The following CCDC47 variants were observed in gnomAD, a reference collection of about 807,000 sequenced individuals.
CCDC47 encodes PAT complex subunit CCDC47.
A neutral mutation model predicts 60.5 loss-of-function variants in CCDC47; 41 were observed. The ratio of observed to expected loss-of-function variants is 0.68; its 90% CI spans 0.53 to 0.88. The LOEUF (loss-of-function observed/expected upper bound fraction) is 0.88, where lower values mean the gene tolerates loss of function less well. Ranked by LOEUF, CCDC47 falls within the 40% of genes least tolerant of loss-of-function variation. The pLI is 0.00. For missense variants in CCDC47, 513 were observed against 580.9 expected (o/e 0.88, Z 1.20); for synonymous variants, 195 against 190.7 (o/e 1.02, Z -0.18).
chr17:63,752,899 A>AT lies in CCDC47; in HGVS notation c.1035-101_1035-100insA, dbSNP rs2039178264. On this transcript the variant is annotated intron_variant, in intron 9 of 12. Transcript: ENST00000225726. ...CTTAGATGAACAGATACCTGCACAT[A>AT]ATCAGCACAGTATTTGGCTTGGCAT... The AT allele has an allele frequency of 3.4e-6, 5 of 1,485,806 alleles. No homozygotes were observed. The African/African-American group carries it at 7.2e-5, about 21-fold the overall frequency. 92.0% of individuals were successfully genotyped at this position (1,485,806 alleles called of 1,614,324 possible).
chr17:63,772,987 CTGAG>C (rs1378499178), intron 1 of CCDC47: 3 of 152,226 alleles, frequency 2.0e-5, no homozygotes, highest in Non-Finnish European at 4.4e-5. Context: ...GGAAAGAGGA[CTGAG>C]TGAGGCCATC....
Position 63,752,005 on chromosome 17 carries a change from T to C in CCDC47, c.1306A>G (p.Lys436Glu), listed in dbSNP as rs772693263. The change falls in exon 12 of 13, where the codon AAA becomes GAA. Residue 436 changes from lysine to glutamate, a missense_variant. By Grantham distance (56) the Lys-to-Glu change is moderately conservative. Coordinates refer to ENST00000225726, the MANE Select transcript of CCDC47 (RefSeq NM_020198.3). ...ATTCGCTCCTTCTCTGCTCTTTTTT[T>C]CTCCTCCCGCCGAGACTGTGCTGCT... ...QEAAQSRREE[K>E]KRAEKERIMN... 15 of 1,613,518 alleles carry C rather than the reference T, an allele frequency of 9.3e-6. No individual in the cohort carries two copies. Among genetic ancestry groups the C allele is most frequent in the East Asian group, 2.2e-5 (1 of 44,898 alleles).
chr17:63,756,190 G>C (rs1008572316), intron 8 of CCDC47, 50 bp downstream of exon 8: 3 of 1,208,970 alleles, frequency 2.5e-6, no homozygotes, highest in Non-Finnish European at 3.7e-6. Flanking sequence ...TAGGGAGAGT[G>C]TCCTGTAAAT....
intron 1 of CCDC47, among the ~76,000 whole-genome samples, chr17:63,770,387 G>A (rs902181156): frequency 3.3e-5 from 5 of 152,098 alleles, no homozygotes; most frequent in African/African-American, 1.2e-4. Flanking sequence ...TGGTATGATA[G>A]GACATTGGGT....
Position 63,756,525 on chromosome 17 carries a change from A to G in CCDC47, c.781T>C (p.Phe261Leu). 1 of 1,614,068 alleles carries G rather than the reference A, an allele frequency of 6.2e-7. No homozygotes were observed. The highest frequency in any genetic ancestry group is 8.5e-7 in the Non-Finnish European group (1 of 1,179,908). Residue 261 changes from phenylalanine to leucine, a missense_variant, in exon 7 of 13, where the codon TTT becomes CTT. Phe to Leu is a conservative substitution (Grantham distance 22, BLOSUM62 0). Coordinates refer to ENST00000225726, the MANE Select transcript of CCDC47 (RefSeq NM_020198.3). ...AAGGCTTTCCGTGTGCCAACAGCAA[A>G]TACGTAGGTATCCATGTCTTCATCA... is the stretch of plus-strand genomic sequence containing the variant. ...MNDEDMDTYVFAVGTRKALVR... is the reference protein window; with the variant it reads ...MNDEDMDTYVLAVGTRKALVR...
rs569762098 is a variant in CCDC47, at chr17:63,767,618, T to C, written c.-19-1424A>G. ...ACTGTAACCTTGAAGACATATCTGT[T>C]TTGACGCCCTACAAACTTTTCGTGT... On this transcript the variant is annotated intron_variant, in intron 1 of 12. Transcript: ENST00000225726. 8.6e-4 allele frequency among the ~76,000 whole-genome samples: 131 copies of C among 152,322 alleles called. 1 individual carries two copies. Among genetic ancestry groups the C allele is most frequent in the African/African-American group, 3.1e-3 (127 of 41,564 alleles).
intron 1 of CCDC47, 137 bp from the exon 2 acceptor site, chr17:63,766,331 G>A: frequency 1.3e-6 from 1 of 771,702 alleles, no homozygotes; most frequent in South Asian, 2.6e-5. Flanking sequence ...ATTATATAAA[G>A]AACAATGAAG....
intron 9 of CCDC47, among the ~76,000 whole-genome samples, chr17:63,753,979 G>A (rs774261738): frequency 2.6e-5 from 4 of 152,114 alleles, no homozygotes; most frequent in Admixed American, 6.5e-5. Context: ...GGTGGTGCAC[G>A]CCTGTAATCC....
Position 63,746,801 on chromosome 17 carries a change from G to C in CCDC47, c.*80C>G. On this transcript the variant is annotated 3_prime_UTR_variant, in exon 13 of 13. Transcript: ENST00000225726. ...AAGACTGTCTGAAATTTAAGGTTGA[G>C]AAATGGACTGGCGTTTTTCATGTTT... The C allele has an allele frequency of 9.6e-7, 1 of 1,037,726 alleles. No homozygotes were observed. Among genetic ancestry groups the C allele is most frequent in the South Asian group, 1.3e-5 (1 of 76,770 alleles). The allele number at this position is 1,037,726 out of a possible 1,614,324, so 64.3% of individuals were successfully genotyped here. A position where few individuals can be genotyped will look rare whatever the true frequency, so the allele number is the denominator to read the frequency against.
Position 63,763,982 on chromosome 17 carries a change from A to G in CCDC47, c.547+34T>C, listed in dbSNP as rs569208752. On this transcript the variant is annotated intron_variant, in intron 4 of 12. Transcript: ENST00000225726. ...CATCATCCTTACCAGATTGTTTTCAAGCAAGAAGCTGGGCTGACATTGGCC... is the reference window on the plus strand; with the variant it reads ...CATCATCCTTACCAGATTGTTTTCAGGCAAGAAGCTGGGCTGACATTGGCC... 3 of 1,539,224 alleles carry G rather than the reference A, an allele frequency of 1.9e-6. No individual in the cohort carries two copies. The South Asian group carries it at 3.9e-5, about 20-fold the overall frequency.
intron 12 of CCDC47, chr17:63,747,606 G>GACTT (rs775318719): frequency 9.4e-5 from 93 of 985,004 alleles, no homozygotes; most frequent in Non-Finnish European, 9.5e-5. Flanking sequence ...GTCAAAGTAT[G>GACTT]ACTTCACTGT....
intron 1 of CCDC47, among the ~76,000 whole-genome samples, chr17:63,767,894 T>C (rs545790992): frequency 6.6e-6 from 1 of 152,282 alleles, no homozygotes; most frequent in Admixed American, 6.5e-5. Flanking sequence ...AGATATCTAA[T>C]GTTTTGCCTT....
At chr17:63,747,605 T>C (rs2039130487) in intron 12 of CCDC47, 3 of 985,298 alleles carry the variant, frequency 3.0e-6, no homozygotes, top group Non-Finnish European at 3.6e-6. Context: ...AGTCAAAGTA[T>C]GACTTCACTG....
intron 6 of CCDC47, among the ~76,000 whole-genome samples, chr17:63,760,410 G>A (rs1436795590): frequency 6.6e-6 from 1 of 151,770 alleles, no homozygotes; most frequent in African/African-American, 2.4e-5. Flanking sequence ...GGCCCATGAA[G>A]GCCCCCTGAC....
intron 4 of CCDC47, among the ~76,000 whole-genome samples, chr17:63,763,550 G>A (rs1304464254): frequency 2.0e-5 from 3 of 151,996 alleles, no homozygotes; most frequent in Non-Finnish European, 4.4e-5. Flanking sequence ...AAAAGGCCGG[G>A]TGCAGTGGCT....
At chr17:63,752,288 C>A in intron 11 of CCDC47, 32 bp downstream of exon 11, 1 of 1,523,754 alleles carries the variant, frequency 6.6e-7, no homozygotes, top group Non-Finnish European at 9.1e-7. Flanking sequence ...AAAAAAGGTG[C>A]CAATTTATAT....
chr17:63,756,225 T>C lies in CCDC47; in HGVS notation c.948+15A>G. ...TGCCAAGGCCTGGCAAATGTATGTC[T>C]TCTGTCGCATTTACCTTTGTATCCA... On this transcript the variant is annotated intron_variant, in intron 8 of 12. Coordinates refer to ENST00000225726, the MANE Select transcript of CCDC47 (RefSeq NM_020198.3). 6.4e-7 allele frequency: 1 copy of C among 1,571,514 alleles called. No individual in the cohort carries two copies. Among genetic ancestry groups the C allele is most frequent in the Non-Finnish European group, 8.8e-7 (1 of 1,141,076 alleles).
At chr17:63,759,530 T>TATATAC (rs1892691573) in intron 6 of CCDC47, among the ~76,000 whole-genome samples, 1 of 2,304 alleles carries the variant, frequency 4.3e-4, no homozygotes, top group Non-Finnish European at 7.2e-4. Flanking sequence ...TATATATTTA[T>TATATAC]ATATATATAT....
chr17:63,765,120 C>CCACA (rs56697502), intron 2 of CCDC47: 32,334 of 150,036 alleles, frequency 0.22, 3,820 homozygotes, highest in East Asian at 0.34. Flanking sequence ...AGTATTCTCA[C>CCACA]CACACACACA....
Sources: allele counts gnomAD v4.1 joint callset (sites outside exome capture counted in the v4.1 genomes callset), GRCh38; gene constraint gnomAD v4.1.1; transcripts MANE v1.5; gene names NCBI Gene and HGNC (gene_info 2026-07-23, HGNC 2026-07-21).